Variants in ZFHX3 observed in about 807,000 individuals in gnomAD.
ZFHX3 encodes zinc finger homeobox 3.
A neutral mutation model predicts 279.1 loss-of-function variants in ZFHX3; 42 were observed. That is an observed-to-expected ratio of 0.15 (90% CI 0.12 to 0.19). The LOEUF (loss-of-function observed/expected upper bound fraction) is 0.19. Among genes scored for constraint, ZFHX3 ranks in the 10% least tolerant of loss-of-function variants. The pLI is 1.00. For synonymous variants in ZFHX3, 2,293 were observed against 1,957.8 expected, an observed-to-expected ratio of 1.17 and a Z score of -4.52; for missense variants, 4,981 against 4,754.0, an observed-to-expected ratio of 1.05 and a Z score of -1.40.
intron 2 of ZFHX3, among the ~76,000 whole-genome samples, chr16:73,512,894 A>C (rs1191576471): frequency 6.6e-6 from 1 of 152,200 alleles, no homozygotes; most frequent in Non-Finnish European, 1.5e-5. Flanking sequence ...GTCAATAAGG[A>C]CCACACTAGT....
At chr16:73,340,881 T>C (rs1249059771) in intron 3 of ZFHX3, among the ~76,000 whole-genome samples, 1 of 152,132 alleles carries the variant, frequency 6.6e-6, no homozygotes, top group African/African-American at 2.4e-5. Flanking sequence ...CTTGAGTCAA[T>C]ATCCACAGTC....
rs531271912 is a variant in ZFHX3 at position 73,859,832 on chromosome 16, G to T, written c.-1608+31819C>A. On this transcript the variant is annotated intron_variant, in intron 1 of 17. Transcript: ENST00000641206. ...TCAGCAAGACGTACTTGGGTTCAGA[G>T]CCTTTTTACAACCTAGCACGGTACT... Among the ~76,000 whole-genome samples, 145 of 152,266 alleles carry T rather than the reference G, an allele frequency of 9.5e-4. 1 individual carries two copies. The highest frequency in any genetic ancestry group is 3.4e-3 in the Middle Eastern group (1 of 294).
intron 1 of ZFHX3, among the ~76,000 whole-genome samples, chr16:73,767,854 A>G (rs1267795302): frequency 6.6e-6 from 1 of 152,224 alleles, no homozygotes; most frequent in African/African-American, 2.4e-5. Context: ...CCCAGCAGGA[A>G]GCAGATGGCA....
chr16:73,592,543 T>C (rs1369778003), intron 2 of ZFHX3, among the ~76,000 whole-genome samples: 1 of 152,130 alleles, frequency 6.6e-6, no homozygotes, highest in African/African-American at 2.4e-5. Flanking sequence ...TATACTAAAA[T>C]ATTTATGAAG....
intron 2 of ZFHX3, among the ~76,000 whole-genome samples, chr16:73,552,936 C>T (rs186823255): frequency 5.3e-4 from 81 of 152,296 alleles, no homozygotes; most frequent in Admixed American, 1.8e-3. Context: ...GTTTCCTTCT[C>T]GGGATTTTCA....
At chr16:73,518,562 G>GACA (rs2019560983) in intron 2 of ZFHX3, among the ~76,000 whole-genome samples, 2 of 152,162 alleles carry the variant, frequency 1.3e-5, no homozygotes, top group Non-Finnish European at 2.9e-5. Context: ...TGGTCTGACA[G>GACA]GGGGAAGACT....
At chr16:73,400,305 G>T (rs189550462) in intron 3 of ZFHX3, 142 of 152,290 alleles carry the variant, frequency 9.3e-4, no homozygotes, top group African/African-American at 2.9e-3. Flanking sequence ...GCCCCATTTT[G>T]TTTGTGCACA....
intron 1 of ZFHX3, among the ~76,000 whole-genome samples, chr16:73,820,650 C>A (rs574279248): frequency 6.6e-6 from 1 of 151,982 alleles, no homozygotes; most frequent in African/African-American, 2.4e-5. Context: ...AAGCAAGAAC[C>A]GCCCTGCTGA....
intron 1 of ZFHX3, among the ~76,000 whole-genome samples, chr16:73,681,445 G>A (rs1210619050): frequency 6.6e-6 from 1 of 152,194 alleles, no homozygotes; most frequent in Non-Finnish European, 1.5e-5. Context: ...GGAAACATGG[G>A]AAGATTACGA....
chr16:73,788,592 T>C (rs1959730226), intron 1 of ZFHX3, among the ~76,000 whole-genome samples: 1 of 152,172 alleles, frequency 6.6e-6, no homozygotes, highest in Non-Finnish European at 1.5e-5. Flanking sequence ...TGCTTTTTAG[T>C]ATCCCCAGCC....
intron 1 of ZFHX3, among the ~76,000 whole-genome samples, chr16:72,973,087 C>T (rs998970988): frequency 3.3e-5 from 5 of 152,178 alleles, no homozygotes. Context: ...CCTGACTTGG[C>T]ACTTGAATAT....
intron 2 of ZFHX3, among the ~76,000 whole-genome samples, chr16:73,628,073 C>T (rs773920667): frequency 2.0e-5 from 3 of 152,140 alleles, no homozygotes; most frequent in African/African-American, 7.2e-5. Context: ...GTAACCAGAT[C>T]CTAGCACAAT....
chr16:73,835,655 G>C (rs1157600749), intron 1 of ZFHX3, among the ~76,000 whole-genome samples: 1 of 151,702 alleles, frequency 6.6e-6, no homozygotes, highest in Non-Finnish European at 1.5e-5. Context: ...ATTTTTAGTA[G>C]AGATGGGGTT....
intron 1 of ZFHX3, among the ~76,000 whole-genome samples, chr16:73,720,160 T>C (rs1364060307): frequency 6.6e-6 from 1 of 152,236 alleles, no homozygotes; most frequent in Non-Finnish European, 1.5e-5. Context: ...CAAAGTTTCA[T>C]GTTTCATTAT....
At chr16:73,314,791 C>G (rs543541047) in intron 4 of ZFHX3, among the ~76,000 whole-genome samples, 33 of 152,354 alleles carry the variant, frequency 2.2e-4, no homozygotes, top group African/African-American at 7.5e-4. Flanking sequence ...GACCCAACAA[C>G]TTTTCTTCCT....
chr16:73,335,764 A>G (rs975874363), intron 3 of ZFHX3, among the ~76,000 whole-genome samples: 1 of 152,226 alleles, frequency 6.6e-6, no homozygotes, highest in African/African-American at 2.4e-5. Flanking sequence ...GGGAAGGCAC[A>G]GAGTCCCACT....
intron 5 of ZFHX3, among the ~76,000 whole-genome samples, chr16:73,153,766 C>A (rs1967007848): frequency 6.6e-6 from 1 of 152,106 alleles, no homozygotes; most frequent in Non-Finnish European, 1.5e-5. Context: ...TCTCCTGCCT[C>A]AGCCTCCTGA....
chr16:73,342,449 A>C (rs1216554685), intron 3 of ZFHX3, among the ~76,000 whole-genome samples: 2 of 152,208 alleles, frequency 1.3e-5, no homozygotes, highest in Non-Finnish European at 2.9e-5. Context: ...GACTGGTTGG[A>C]TAAACGATGG....
At chr16:73,779,355 G>C (rs75052399) in intron 1 of ZFHX3, among the ~76,000 whole-genome samples, 1 of 152,232 alleles carries the variant, frequency 6.6e-6, no homozygotes, top group East Asian at 1.9e-4. Context: ...GTGATGAAAA[G>C]AATTCATCTG....
Sources: gnomAD v4.1 joint callset for allele counts (sites outside exome capture counted in the v4.1 genomes callset) on GRCh38, gnomAD v4.1.1 for gene constraint, MANE v1.5 for transcripts, NCBI Gene and HGNC (gene_info 2026-07-23, HGNC 2026-07-21) for gene names.